SPAG16: variants seen among roughly 807,000 people sequenced by gnomAD.
SPAG16 encodes the protein sperm-associated antigen 16 protein.
Under a neutral mutation model 80.4 loss-of-function variants are expected in SPAG16, and 86 were observed. That is an observed-to-expected ratio of 1.07 (90% confidence interval 0.90 to 1.28). The LOEUF is 1.28. Among genes scored for constraint, SPAG16 ranks in the 50% most tolerant of loss-of-function variants. SPAG16 has a pLI of 0.00. For missense variants in SPAG16, 870 were observed against 765.3 expected, an observed-to-expected ratio of 1.14 and a Z score of -1.61; for synonymous variants, 294 against 265.9, an observed-to-expected ratio of 1.11 and a Z score of -1.03.
At chr2:214,247,796 C>G (rs1689955755) in intron 15 of SPAG16, among the ~76,000 whole-genome samples, 1 of 152,052 alleles carries the variant, frequency 6.6e-6, no homozygotes, top group East Asian at 1.9e-4. Flanking sequence ...CTTCAGGTGG[C>G]CAAGGCAGGA....
chr2:213,483,463 T>C (rs983083458), intron 9 of SPAG16, among the ~76,000 whole-genome samples: 1 of 152,256 alleles, frequency 6.6e-6, no homozygotes, highest in Non-Finnish European at 1.5e-5. Context: ...GAACCTGTTA[T>C]ATTAATGCTT....
In SPAG16 at chr2:213,862,397, C is replaced by T. The variant is rs149526551; in HGVS notation, c.1071-88C>T. ...CAAAACTATCCTGCCTTGCTAAAAT[C>T]GGATAATCACTGCCATTTCATTTAT... is the stretch of plus-strand genomic sequence containing the variant. On this transcript the variant is annotated intron_variant, in intron 10 of 15. Coordinates refer to ENST00000331683, the MANE Select transcript of SPAG16 (RefSeq NM_024532.5). The T allele has an allele frequency of 1.5e-4, 225 of 1,514,270 alleles. 1 individual carries two copies. The East Asian group carries it at 3.4e-3, about 23-fold the overall frequency. The allele number at this position is 1,514,270 out of a possible 1,614,324, so 93.8% of individuals were successfully genotyped here. A position where few individuals can be genotyped will look rare whatever the true frequency, so the allele number is the denominator to read the frequency against.
intron 12 of SPAG16, among the ~76,000 whole-genome samples, chr2:213,948,638 CTT>C (rs558474693): frequency 9.5e-4 from 145 of 152,278 alleles, no homozygotes; most frequent in Non-Finnish European, 1.7e-3. Context: ...CTCTAGCTCT[CTT>C]TATCTTTGCT....
chr2:214,114,676 G>T (rs967228390), intron 14 of SPAG16, among the ~76,000 whole-genome samples: 8 of 152,172 alleles, frequency 5.3e-5, no homozygotes, highest in Non-Finnish European at 7.3e-5. Context: ...ATAGTATTTG[G>T]GCGGGAGTGT....
intron 13 of SPAG16, among the ~76,000 whole-genome samples, chr2:214,097,098 T>C (rs1256203562): frequency 1.3e-5 from 2 of 152,078 alleles, no homozygotes; most frequent in Non-Finnish European, 2.9e-5. Context: ...TATAAAATTC[T>C]TTTGACATTA....
intron 10 of SPAG16, among the ~76,000 whole-genome samples, chr2:213,658,116 TA>T (rs1175689785): frequency 6.6e-6 from 1 of 152,138 alleles, no homozygotes; most frequent in Non-Finnish European, 1.5e-5. Context: ...CCTTCCAGAA[TA>T]AAAAGGCCTC....
At chr2:214,061,987 A>G (rs949775877) in intron 13 of SPAG16, among the ~76,000 whole-genome samples, 2 of 133,816 alleles carry the variant, frequency 1.5e-5, no homozygotes, top group Admixed American at 1.5e-4. Flanking sequence ...GCATGCACAC[A>G]CACACACACA....
intron 10 of SPAG16, among the ~76,000 whole-genome samples, chr2:213,532,750 C>T (rs1017962111): frequency 5.9e-5 from 9 of 151,828 alleles, no homozygotes; most frequent in Non-Finnish European, 7.3e-5. Flanking sequence ...CATGAGCCAT[C>T]GCACTCAGCT....
intron 10 of SPAG16, among the ~76,000 whole-genome samples, chr2:213,589,874 A>G (rs1388100261): frequency 2.0e-5 from 3 of 151,246 alleles, no homozygotes; most frequent in African/African-American, 7.3e-5. Flanking sequence ...GTGAGCCGAG[A>G]TCGCGCCATT....
rs183474079 is a variant in SPAG16 at position 213,498,163 on chromosome 2, A to T, written c.1070+8073A>T. On this transcript the variant is annotated intron_variant, in intron 10 of 15. Coordinates refer to ENST00000331683, the MANE Select transcript of SPAG16 (RefSeq NM_024532.5). ...TAAAGGTGGCAAGACATGGTGAAGT[A>T]TGAGCAATCAGTAGTTTTGATTTAG... Among the ~76,000 whole-genome samples the T allele has an allele frequency of 1.8e-3, 268 of 152,290 alleles. 1 individual carries two copies. The highest frequency in any genetic ancestry group is 6.3e-3 in the African/African-American group (260 of 41,578).
In SPAG16 at chr2:213,822,637, T is replaced by C. The variant is rs536326277; in HGVS notation, c.1071-39848T>C. ...ATTTCTTCTAAAAAAATGAGATACA[T>C]GTACAGAACGTGCAGGTTTGTTACG... On this transcript the variant is annotated intron_variant, in intron 10 of 15. Coordinates refer to ENST00000331683, the MANE Select transcript of SPAG16 (RefSeq NM_024532.5). 3.3e-5 allele frequency among the ~76,000 whole-genome samples: 5 copies of C among 152,294 alleles called. No individual in the cohort carries two copies. The South Asian group carries it at 8.3e-4, about 25-fold the overall frequency.
chr2:214,056,310 C>T (rs941072141), intron 13 of SPAG16, among the ~76,000 whole-genome samples: 1 of 150,796 alleles, frequency 6.6e-6, no homozygotes, highest in African/African-American at 2.4e-5. Context: ...CACACACACA[C>T]ACACGCATAG....
intron 10 of SPAG16, among the ~76,000 whole-genome samples, chr2:213,577,080 A>G (rs2126028900): frequency 6.6e-6 from 1 of 152,232 alleles, no homozygotes; most frequent in East Asian, 1.9e-4. Flanking sequence ...GTTAAAAACA[A>G]CCCACAAAAT....
At chr2:213,440,660 C>T (rs2070898489) in intron 9 of SPAG16, among the ~76,000 whole-genome samples, 1 of 152,130 alleles carries the variant, frequency 6.6e-6, no homozygotes, top group South Asian at 2.1e-4. Flanking sequence ...AAGTGTGGTA[C>T]TACTGAGTAG....
intron 10 of SPAG16, among the ~76,000 whole-genome samples, chr2:213,805,055 T>C (rs1477767656): frequency 6.6e-6 from 1 of 152,206 alleles, no homozygotes. Context: ...CCAATGTTAC[T>C]GTTGAGGAGT....
intron 5 of SPAG16, among the ~76,000 whole-genome samples, chr2:213,320,731 A>G (rs1284240957): frequency 6.6e-6 from 1 of 151,992 alleles, no homozygotes; most frequent in Non-Finnish European, 1.5e-5. Context: ...TGTTCCTGCA[A>G]ATTATAGGAT....
rs149051592 is a variant in SPAG16, at chr2:213,826,516, C to T, written c.1071-35969C>T. ...CCTTGACCCACTGATCATTCAGGAG[C>T]ATATTGTTTAATTTCCATGTGTTTG... On this transcript the variant is annotated intron_variant, in intron 10 of 15. Transcript: ENST00000331683. Among the ~76,000 whole-genome samples, 255 of 152,066 alleles carry T rather than the reference C, an allele frequency of 1.7e-3. 8 individuals carry two copies. In the East Asian group the frequency reaches 0.047, roughly 28 times the overall value.
chr2:213,547,464 T>C (rs913984118), intron 10 of SPAG16, among the ~76,000 whole-genome samples: 8 of 152,206 alleles, frequency 5.3e-5, no homozygotes, highest in Non-Finnish European at 7.4e-5. Flanking sequence ...TAAATGTCAG[T>C]ACTTTTCTAC....
intron 10 of SPAG16, among the ~76,000 whole-genome samples, chr2:213,771,311 C>G (rs2069232625): frequency 6.6e-6 from 1 of 151,456 alleles, no homozygotes; most frequent in African/African-American, 2.4e-5. Context: ...TGTTTTTTTC[C>G]TTGTAAATTT....
Sources: allele counts gnomAD v4.1 joint callset (sites outside exome capture counted in the v4.1 genomes callset), GRCh38; gene constraint gnomAD v4.1.1; transcripts MANE v1.5; gene names NCBI Gene and HGNC (gene_info 2026-07-23, HGNC 2026-07-21).